Variants in UTRN observed in about 807,000 individuals in gnomAD.
UTRN encodes the protein utrophin.
UTRN carries 283 observed loss-of-function variants against 463.9 expected under a neutral mutation model. The ratio of observed to expected loss-of-function variants is 0.61; its 90% CI spans 0.55 to 0.67. The LOEUF is 0.67. UTRN is among the 30% of genes least tolerant of loss of function. The pLI is 0.00. For synonymous variants in UTRN, 1,442 were observed against 1,431.5 expected, an observed-to-expected ratio of 1.01 and a Z score of -0.17; for missense variants, 3,922 against 4,084.3, an observed-to-expected ratio of 0.96 and a Z score of 1.08.
chr6:144,618,316 T>C (rs1806354120), intron 51 of UTRN, among the ~76,000 whole-genome samples: 1 of 152,172 alleles, frequency 6.6e-6, no homozygotes, highest in Non-Finnish European at 1.5e-5. Context: ...CAAGTTTAAA[T>C]ATTATATTTA....
intron 34 of UTRN, among the ~76,000 whole-genome samples, chr6:144,503,125 A>T (rs1398270212): frequency 6.6e-6 from 1 of 151,084 alleles, no homozygotes; most frequent in Admixed American, 6.6e-5. Flanking sequence ...AAATTTGTTG[A>T]ATTTCCTTGT....
intron 51 of UTRN, among the ~76,000 whole-genome samples, chr6:144,648,324 G>A (rs1211239974): frequency 6.6e-6 from 1 of 152,160 alleles, no homozygotes; most frequent in Admixed American, 6.5e-5. Context: ...TTGTTTGGTT[G>A]GGAAATTCAC....
At chr6:144,431,145 G>T (rs577390378) in intron 9 of UTRN, among the ~76,000 whole-genome samples, 1 of 152,244 alleles carries the variant, frequency 6.6e-6, no homozygotes, top group African/African-American at 2.4e-5. Context: ...TTCTGAGTTT[G>T]TTACAGGGTT....
chr6:144,380,510 A>C (rs1430138209), intron 2 of UTRN, among the ~76,000 whole-genome samples: 2 of 152,204 alleles, frequency 1.3e-5, no homozygotes, highest in Non-Finnish European at 2.9e-5. Flanking sequence ...AAATAATGAT[A>C]GTTGAAACTC....
intron 48 of UTRN, among the ~76,000 whole-genome samples, chr6:144,552,984 GT>G (rs1321388633): frequency 6.6e-6 from 1 of 152,208 alleles, no homozygotes; most frequent in Non-Finnish European, 1.5e-5. Context: ...CATTGAGCAA[GT>G]TTTAAAGAAT....
At chr6:144,667,167 G>T (rs1307571671) in intron 51 of UTRN, among the ~76,000 whole-genome samples, 2 of 151,928 alleles carry the variant, frequency 1.3e-5, no homozygotes, top group East Asian at 3.9e-4. Flanking sequence ...TGATTCTCCT[G>T]CCTCAGCCTC....
chr6:144,467,263 G>C (rs149861160), intron 23 of UTRN, among the ~76,000 whole-genome samples: 25 of 152,312 alleles, frequency 1.6e-4, no homozygotes, highest in African/African-American at 4.8e-4. Context: ...CTTCAGCCCA[G>C]CTCATCACTA....
chr6:144,530,615 T>G (rs1796959405), intron 41 of UTRN, among the ~76,000 whole-genome samples: 1 of 152,242 alleles, frequency 6.6e-6, no homozygotes, highest in Non-Finnish European at 1.5e-5. Context: ...TATTTCACAG[T>G]ATTTAAATGT....
intron 44 of UTRN, among the ~76,000 whole-genome samples, chr6:144,538,327 T>C (rs1044574766): frequency 6.6e-6 from 1 of 152,152 alleles, no homozygotes; most frequent in African/African-American, 2.4e-5. Context: ...AGAATTAAAA[T>C]ACTTGTTGCA....
At chr6:144,300,339 C>A (rs532784728) in intron 2 of UTRN, among the ~76,000 whole-genome samples, 1 of 152,322 alleles carries the variant, frequency 6.6e-6, no homozygotes, top group South Asian at 2.1e-4. Context: ...ATCTACCCAC[C>A]TCAGCCTCTC....
At chr6:144,435,824 A>G (rs1786482131) in intron 9 of UTRN, 111 bp from the exon 10 acceptor site, 2 of 1,152,220 alleles carry the variant, frequency 1.7e-6, no homozygotes, top group Admixed American at 4.6e-5. Flanking sequence ...GAATTGGATT[A>G]GTGCCTAAGA....
intron 52 of UTRN, among the ~76,000 whole-genome samples, chr6:144,696,203 A>G (rs963085362): frequency 6.7e-6 from 1 of 148,614 alleles, no homozygotes; most frequent in East Asian, 2.0e-4. Flanking sequence ...AAACTACTAA[A>G]TTTTTTTTTT....
intron 2 of UTRN, among the ~76,000 whole-genome samples, chr6:144,300,004 A>G (rs1805085925): frequency 6.6e-6 from 1 of 152,184 alleles, no homozygotes; most frequent in South Asian, 2.1e-4. Context: ...TTTTTATGTG[A>G]AGATGAATTA....
intron 66 of UTRN, among the ~76,000 whole-genome samples, chr6:144,824,616 T>TTC (rs1779989599): frequency 1.5e-5 from 1 of 65,976 alleles, no homozygotes; most frequent in Non-Finnish European, 3.1e-5. Flanking sequence ...ATATATATCT[T>TTC]TTTTTTTTTT....
chr6:144,754,615 C>A, intron 56 of UTRN, 105 bp from the exon 57 acceptor site: 1 of 995,288 alleles, frequency 1.0e-6, no homozygotes, highest in Non-Finnish European at 1.5e-6. Flanking sequence ...CAATCATATC[C>A]TGGGCAATAG....
At chr6:144,472,842 AC>A (rs1362048842) in intron 23 of UTRN, among the ~76,000 whole-genome samples, 2 of 149,810 alleles carry the variant, frequency 1.3e-5, no homozygotes, top group African/African-American at 4.9e-5. Flanking sequence ...ATCTTGGCTC[AC>A]TGCAACCTCT....
chr6:144,676,690 A>C (rs960874357), intron 51 of UTRN, among the ~76,000 whole-genome samples: 2 of 152,036 alleles, frequency 1.3e-5, no homozygotes. Flanking sequence ...CTCACCCCAC[A>C]ACAGGCCCCG....
intron 2 of UTRN, among the ~76,000 whole-genome samples, chr6:144,329,187 A>T (rs1776177700): frequency 6.7e-6 from 1 of 149,732 alleles, no homozygotes; most frequent in African/African-American, 2.5e-5. Context: ...GGTTCAAGCG[A>T]TTCTCCTGCC....
chr6:144,477,338 T>A (rs755968777), intron 25 of UTRN, among the ~76,000 whole-genome samples: 3 of 152,224 alleles, frequency 2.0e-5, no homozygotes, highest in Non-Finnish European at 4.4e-5. Flanking sequence ...GGCTAATGTT[T>A]GTATCAGAAA....
Sources: gnomAD v4.1 joint callset for allele counts (sites outside exome capture counted in the v4.1 genomes callset) on GRCh38, gnomAD v4.1.1 for gene constraint, MANE v1.5 for transcripts, NCBI Gene and HGNC (gene_info 2026-07-23, HGNC 2026-07-21) for gene names.